UNK: variants seen among roughly 807,000 people sequenced by gnomAD.
UNK encodes RING finger protein unkempt homolog.
A neutral mutation model predicts 97.6 loss-of-function variants in UNK; 32 were observed. The ratio of observed to expected loss-of-function variants is 0.33; its 90% CI spans 0.25 to 0.44. The LOEUF is 0.44. Ranked by LOEUF, UNK falls within the 20% of genes least tolerant of loss-of-function variation. The pLI, the probability that UNK is intolerant of heterozygous loss-of-function variation, is 1.00. For synonymous variants in UNK, 441 were observed against 461.2 expected (o/e 0.96, Z 0.56); for missense variants, 771 against 1,098.4 (o/e 0.70, Z 4.21).
intron 1 of UNK, among the ~76,000 whole-genome samples, chr17:75,807,982 A>C (rs2061934345): frequency 6.6e-6 from 1 of 152,214 alleles, no homozygotes; most frequent in Admixed American, 6.5e-5. Context: ...ATGAGATTCC[A>C]GTTTAACTGG....
rs902427000 is a variant in UNK, at chr17:75,819,557, C to T, written c.1547-127C>T. 7 of 833,092 alleles carry T rather than the reference C, an allele frequency of 8.4e-6. No individual in the cohort carries two copies. In the South Asian group the frequency reaches 9.6e-5, roughly 11 times the overall value. 51.6% of individuals were successfully genotyped at this position (833,092 alleles called of 1,614,324 possible). ...GCATAGGAAGCAGCTGAAGGAAGGG[C>T]ACAGGGGCTTGGGAGAATACGGACC... On this transcript the variant is annotated intron_variant, in intron 11 of 15. Coordinates refer to ENST00000589666, the MANE Select transcript of UNK (RefSeq NM_001080419.3). This position sits in a 1 kb window ranked among gnomAD's most constrained non-coding sequence, Gnocchi z 5.4.
intron 1 of UNK, among the ~76,000 whole-genome samples, chr17:75,798,813 T>G (rs1392984351): frequency 6.6e-6 from 1 of 151,956 alleles, no homozygotes; most frequent in Non-Finnish European, 1.5e-5. Flanking sequence ...ACGCCTGTAA[T>G]CCCAGCACTT....
intron 2 of UNK, among the ~76,000 whole-genome samples, chr17:75,810,889 GC>G (rs1176528515): frequency 6.6e-6 from 1 of 152,104 alleles, no homozygotes; most frequent in Non-Finnish European, 1.5e-5. Context: ...GCCCTCCTTG[GC>G]CTCCCAAAGT....
chr17:75,814,230 G>A (rs1339857690), intron 6 of UNK, among the ~76,000 whole-genome samples: 1 of 151,944 alleles, frequency 6.6e-6, no homozygotes, highest in Admixed American at 6.6e-5. Context: ...GGCCAGGCAC[G>A]GTGGCTTATG....
rs764970108 is a variant in UNK at position 75,809,887 on chromosome 17, C to T, written c.232C>T (p.Arg78Trp). The T allele has an allele frequency of 2.5e-6, 4 of 1,613,786 alleles. No homozygotes were observed. Among genetic ancestry groups the T allele is most frequent in the Admixed American group, 1.7e-5 (1 of 60,010 alleles). The stretch of plus-strand genomic sequence containing the variant: ...GCGGCGCCGCCGGTCCATCCGCCGT[C>T]GGGACGGCACCTTCAATTACAGCCC... Reference protein sequence around the residue: ...NQRRRRSIRRRDGTFNYSPDV... With the variant: ...NQRRRRSIRRWDGTFNYSPDV... Residue 78 changes from arginine (R) to tryptophan (W), a missense_variant, in exon 2 of 16, where the codon CGG becomes TGG. By Grantham distance (101) the Arg-to-Trp change is moderately radical. This residue lies in a region of UNK where 246 missense variants were observed against 440.7 expected (regional missense o/e 0.56). Coordinates refer to ENST00000589666, the MANE Select transcript of UNK (RefSeq NM_001080419.3).
Position 75,818,617 on chromosome 17 carries a change from TCTC to T in UNK, c.1372-21_1372-19del, listed in dbSNP as rs2062038122. The T allele has an allele frequency of 6.4e-7, 1 of 1,564,826 alleles. No homozygotes were observed. On this transcript the variant is annotated intron_variant, in intron 10 of 15. Transcript: ENST00000589666. This position sits in a 1 kb window ranked among gnomAD's most constrained non-coding sequence, Gnocchi z 5.1. ...CTCCGTATGCAGGCCTACCATTGCT[TCTC>T]CTCTTCCCTCTCTCGTTGCAGGACA... is the stretch of plus-strand genomic sequence containing the variant.
rs113713603 is a variant in UNK, at chr17:75,798,466, A to G, written c.105-11294A>G. Among the ~76,000 whole-genome samples the G allele has an allele frequency of 8.4e-3, 1,279 of 152,118 alleles. 14 individuals carry two copies. Among genetic ancestry groups the G allele is most frequent in the Middle Eastern group, 0.031 (9 of 294 alleles). On this transcript the variant is annotated intron_variant, in intron 1 of 15. Transcript: ENST00000589666. ...GTGATCTACCCACCTTGGCCTCCCA[A>G]AGTGCTGGGATTATAGGCATGTGCC...
At chr17:75,790,413 T>C (rs1470787194) in intron 1 of UNK, among the ~76,000 whole-genome samples, 1 of 152,064 alleles carries the variant, frequency 6.6e-6, no homozygotes, top group African/African-American at 2.4e-5. Flanking sequence ...GGAGGATCAC[T>C]TGAGCCCAGG....
At chr17:75,814,489 C>CAAAAA (rs59234903) in intron 6 of UNK, among the ~76,000 whole-genome samples, 59 of 69,680 alleles carry the variant, frequency 8.5e-4, no homozygotes, top group Non-Finnish European at 9.7e-4. Flanking sequence ...GAGACTCCAT[C>CAAAAA]AAAAAAAAAA....
At chr17:75,802,590 G>T (rs1599370041) in intron 1 of UNK, among the ~76,000 whole-genome samples, 1 of 152,124 alleles carries the variant, frequency 6.6e-6, no homozygotes, top group African/African-American at 2.4e-5. Context: ...TTCTTCACAA[G>T]AATTAAAACT....
At position 75,822,568 on chromosome 17, in the gene UNK, G is replaced by C. The variant is rs1237484800; in HGVS notation, c.1929G>C (p.Gly643=). The C allele has an allele frequency of 4.3e-6, 7 of 1,613,486 alleles. No homozygotes were observed. Among genetic ancestry groups the C allele is most frequent in the Non-Finnish European group, 5.1e-6 (6 of 1,179,848 alleles). Reference sequence around the variant, plus strand: ...CCCCCGCTTTCCTATCAGGGCCAGGGGCTGCCGAGCTGGCCCGACTTCGGC... The same window carrying C: ...CCCCCGCTTTCCTATCAGGGCCAGGCGCTGCCGAGCTGGCCCGACTTCGGC... ...GTSPAFLSGP[G]AAELARLRQE... Residue 643 remains glycine, a synonymous_variant, in exon 14 of 16, where the codon GGG becomes GGC. Transcript: ENST00000589666.
Position 75,784,846 on chromosome 17 carries a change from A to AT in UNK, c.-35_-34insT. On this transcript the variant is annotated 5_prime_UTR_variant, in exon 1 of 16. Coordinates refer to ENST00000589666, the MANE Select transcript of UNK (RefSeq NM_001080419.3). ...CGCGGACCGCGCAGACTGAATAATA[A>AT]AAGGGGAGCGGCGAAGAGGCAGGAA... is the stretch of plus-strand genomic sequence containing the variant. The AT allele has an allele frequency of 6.3e-7, 1 of 1,599,358 alleles. No homozygotes were observed. The highest frequency in any genetic ancestry group is 2.2e-5 in the East Asian group (1 of 44,712).
intron 1 of UNK, among the ~76,000 whole-genome samples, chr17:75,802,740 C>T (rs1168933352): frequency 6.6e-6 from 1 of 152,108 alleles, no homozygotes; most frequent in African/African-American, 2.4e-5. Flanking sequence ...GAAGTGTGTC[C>T]AGATAAAACA....
chr17:75,785,211 G>A (rs1038336626), intron 1 of UNK: 1 of 503,268 alleles, frequency 2.0e-6, no homozygotes, highest in Non-Finnish European at 3.5e-6. Flanking sequence ...CCGCCGAGTG[G>A]GGAAGGCGGG....
intron 1 of UNK, chr17:75,785,920 G>A (rs1043596089): frequency 6.6e-6 from 1 of 151,992 alleles, no homozygotes; most frequent in Non-Finnish European, 1.5e-5. Flanking sequence ...CCCCAGCTGC[G>A]AGAGGTTTTG....
rs1199559105 is a variant in UNK, at chr17:75,819,642, T to C, written c.1547-42T>C. 5 of 1,583,722 alleles carry C rather than the reference T, an allele frequency of 3.2e-6. No individual in the cohort carries two copies. Among genetic ancestry groups the C allele is most frequent in the Non-Finnish European group, 4.3e-6 (5 of 1,152,718 alleles). On this transcript the variant is annotated intron_variant, in intron 11 of 15. Transcript: ENST00000589666. This position sits in a 1 kb window ranked among gnomAD's most constrained non-coding sequence, Gnocchi z 5.4. ...AGTAGACGAGGTGGTCAGGGTCAGA[T>C]AGTCCCTCGGGAGGTCACATCCCAC... is the stretch of plus-strand genomic sequence containing the variant.
In UNK at chr17:75,815,236, C is replaced by A; in HGVS notation, c.944C>A (p.Ala315Asp). 6.2e-7 allele frequency: 1 copy of A among 1,613,496 alleles called. No individual in the cohort carries two copies. The highest frequency in any genetic ancestry group is 8.5e-7 in the Non-Finnish European group (1 of 1,179,682). The change falls in exon 7 of 16, where the codon GCC (alanine) becomes GAC (aspartate). Residue 315 changes from alanine to aspartate, a missense_variant. Around this residue, in one of 5 missense-constraint regions of UNK, gnomAD observed 246 missense variants for 440.7 expected, o/e 0.56. Transcript: ENST00000589666. The part of the protein sequence containing the change: ...SGSCPRGPFC[A>D]FAHVEQPPLS... ...AGCTGTCCCCGAGGACCCTTCTGCG[C>A]CTTTGCCCACGTAGAACGTATGCTG...
chr17:75,807,976 G>T (rs1304159620), intron 1 of UNK, among the ~76,000 whole-genome samples: 1 of 152,202 alleles, frequency 6.6e-6, no homozygotes, highest in Non-Finnish European at 1.5e-5. Flanking sequence ...GCTTATATGA[G>T]ATTCCAGTTT....
intron 2 of UNK, among the ~76,000 whole-genome samples, chr17:75,810,329 G>A (rs1168729446): frequency 6.6e-6 from 1 of 152,174 alleles, no homozygotes; most frequent in Non-Finnish European, 1.5e-5. Context: ...CAGGTTTGCT[G>A]ACCCTAAATA....
Sources: gnomAD v4.1 joint callset for allele counts (sites outside exome capture counted in the v4.1 genomes callset) on GRCh38, gnomAD v4.1.1 for gene constraint, gnomAD v4.1.1 regional missense constraint, Gnocchi (gnomAD v3.1) non-coding constraint, MANE v1.5 for transcripts, NCBI Gene and HGNC (gene_info 2026-07-23, HGNC 2026-07-21) for gene names.